The following SPIDR variants were observed in gnomAD, a reference collection of about 807,000 sequenced individuals.
The protein encoded by SPIDR is scaffold protein involved in DNA repair, also known as DNA repair-scaffolding protein.
A neutral mutation model predicts 104.6 loss-of-function variants in SPIDR; 93 were observed. The observed-to-expected ratio is 0.89, with a 90% CI of 0.75 to 1.06. SPIDR has a LOEUF of 1.06. SPIDR is among the 50% of genes least tolerant of loss of function. The pLI, the probability that SPIDR is intolerant of heterozygous loss-of-function variation, is 0.00. For missense variants in SPIDR, 1,154 were observed against 1,111.2 expected (o/e 1.04, Z -0.55); for synonymous variants, 431 against 416.9 (o/e 1.03, Z -0.41).
At chr8:47,375,968 TTTG>T (rs1324269547) in intron 5 of SPIDR, among the ~76,000 whole-genome samples, 2 of 152,154 alleles carry the variant, frequency 1.3e-5, no homozygotes, top group Non-Finnish European at 2.9e-5. Flanking sequence ...TCCCAGGAAG[TTTG>T]TTATTAATCC....
intron 1 of SPIDR, among the ~76,000 whole-genome samples, chr8:47,275,217 C>G (rs2036161488): frequency 6.6e-6 from 1 of 151,514 alleles, no homozygotes; most frequent in Non-Finnish European, 1.5e-5. Context: ...CCAGATTGCG[C>G]CACTGCACTC....
At chr8:47,582,481 C>T (rs2059807289) in intron 8 of SPIDR, among the ~76,000 whole-genome samples, 3 of 152,134 alleles carry the variant, frequency 2.0e-5, no homozygotes. Context: ...AAAGATGTTT[C>T]ACATGGTTTT....
intron 11 of SPIDR, among the ~76,000 whole-genome samples, chr8:47,699,797 C>T (rs1187524631): frequency 2.0e-5 from 3 of 152,220 alleles, no homozygotes; most frequent in African/African-American, 7.2e-5. Context: ...TCAGGTGATC[C>T]ATCCGCCTCA....
rs2037381407 is a variant in SPIDR, at chr8:47,279,906, A to G, written c.78A>G (p.Glu26=). ...CAGAATGCCCATCCTTTCCAGGAGA[A>G]AGACCACTGCAGGTCAGAAGAGCAG... ...WNTECPSFPG[E]RPLQVRRAGL... Residue 26 remains glutamate, a synonymous_variant, in exon 2 of 20, where the codon GAA becomes GAG. Coordinates refer to ENST00000297423, the MANE Select transcript of SPIDR (RefSeq NM_001080394.4). The G allele has an allele frequency of 6.2e-7, 1 of 1,613,934 alleles. No homozygotes were observed. The highest frequency in any genetic ancestry group is 1.3e-5 in the African/African-American group (1 of 75,038).
At chr8:47,377,862 T>C (rs1320939337) in intron 5 of SPIDR, among the ~76,000 whole-genome samples, 1 of 152,216 alleles carries the variant, frequency 6.6e-6, no homozygotes, top group Admixed American at 6.5e-5. Flanking sequence ...GAATCTCTAG[T>C]AGCATATATT....
chr8:47,388,136 T>C (rs1381894845), intron 5 of SPIDR, among the ~76,000 whole-genome samples: 1 of 152,196 alleles, frequency 6.6e-6, no homozygotes, highest in African/African-American at 2.4e-5. Context: ...CCTCTTCCAC[T>C]ATGTCTGCTG....
intron 10 of SPIDR, among the ~76,000 whole-genome samples, chr8:47,664,955 G>A (rs1378786048): frequency 2.0e-5 from 3 of 151,708 alleles, no homozygotes; most frequent in Non-Finnish European, 4.4e-5. Flanking sequence ...TGGAGGAAAC[G>A]AAAGAGAACC....
chr8:47,714,604 C>A (rs2082315727), intron 16 of SPIDR, among the ~76,000 whole-genome samples: 1 of 152,238 alleles, frequency 6.6e-6, no homozygotes. Context: ...TCCCCGGCTT[C>A]CTGCCTGTGC....
At chr8:47,732,551 G>T in intron 19 of SPIDR, 1 of 262,134 alleles carries the variant, frequency 3.8e-6, no homozygotes, top group South Asian at 5.2e-5. Context: ...AACTTAGGAG[G>T]CTCTTTACTC....
At chr8:47,610,157 A>C (rs1427077664) in intron 10 of SPIDR, among the ~76,000 whole-genome samples, 1 of 152,108 alleles carries the variant, frequency 6.6e-6, no homozygotes, top group Non-Finnish European at 1.5e-5. Flanking sequence ...TTTCTCTGGA[A>C]ACTTTTGTTC....
Position 47,329,757 on chromosome 8 carries a change from G to T in SPIDR, c.525+35727G>T, listed in dbSNP as rs575087654. Among the ~76,000 whole-genome samples the T allele has an allele frequency of 3.3e-5, 5 of 152,116 alleles. 1 individual carries two copies. The South Asian group carries it at 1.0e-3, about 31-fold the overall frequency. On this transcript the variant is annotated intron_variant, in intron 5 of 19. Coordinates refer to ENST00000297423, the MANE Select transcript of SPIDR (RefSeq NM_001080394.4). The stretch of plus-strand genomic sequence containing the variant: ...AAAGGAGAGCAAGTATACGTTTATA[G>T]TGTTAGATGACCCTTCTTATTTACC...
intron 10 of SPIDR, among the ~76,000 whole-genome samples, chr8:47,600,621 A>T (rs1161378267): frequency 6.6e-6 from 1 of 152,176 alleles, no homozygotes; most frequent in African/African-American, 2.4e-5. Flanking sequence ...TGGCTTGTAG[A>T]TGTAGACCAG....
intron 7 of SPIDR, among the ~76,000 whole-genome samples, chr8:47,434,709 A>C (rs975178746): frequency 6.6e-6 from 1 of 151,736 alleles, no homozygotes; most frequent in Non-Finnish European, 1.5e-5. Flanking sequence ...CCCTCATACT[A>C]ACTTGCTTCA....
intron 5 of SPIDR, among the ~76,000 whole-genome samples, chr8:47,327,107 A>G (rs1365098244): frequency 6.6e-6 from 1 of 152,068 alleles, no homozygotes; most frequent in Admixed American, 6.5e-5. Context: ...CACTTACATT[A>G]TGGTCTCTTC....
chr8:47,597,231 T>A (rs1045186489), intron 9 of SPIDR, among the ~76,000 whole-genome samples: 6 of 152,194 alleles, frequency 3.9e-5, no homozygotes, highest in African/African-American at 1.2e-4. Flanking sequence ...CCTTTTTTTT[T>A]ATACTTTAAG....
At chr8:47,569,451 A>G (rs1420841216) in intron 8 of SPIDR, among the ~76,000 whole-genome samples, 4 of 152,208 alleles carry the variant, frequency 2.6e-5, no homozygotes, top group Non-Finnish European at 5.9e-5. Context: ...CCACCTAACA[A>G]CATAATACCC....
intron 1 of SPIDR, among the ~76,000 whole-genome samples, chr8:47,278,095 TC>T (rs2036931094): frequency 3.8e-5 from 4 of 104,592 alleles, no homozygotes; most frequent in African/African-American, 2.7e-4. Context: ...ATTTTCTTTC[TC>T]TTTTTTTTTT....
intron 6 of SPIDR, 145 bp downstream of exon 6, chr8:47,396,771 G>A: frequency 1.1e-6 from 1 of 876,858 alleles, no homozygotes; most frequent in Non-Finnish European, 1.7e-6. Flanking sequence ...GAAGTTGAGG[G>A]TCATGGCTTT....
chr8:47,481,738 C>G (rs1233182200), intron 8 of SPIDR, among the ~76,000 whole-genome samples: 2 of 152,106 alleles, frequency 1.3e-5, no homozygotes, highest in Non-Finnish European at 2.9e-5. Flanking sequence ...AGTGACCAAG[C>G]TGATTATATG....
Sources: allele counts gnomAD v4.1 joint callset (sites outside exome capture counted in the v4.1 genomes callset), GRCh38; gene constraint gnomAD v4.1.1; transcripts MANE v1.5; gene names NCBI Gene and HGNC (gene_info 2026-07-23, HGNC 2026-07-21).